CNTN3: variants seen among roughly 807,000 people sequenced by gnomAD.
The protein encoded by CNTN3 is contactin-3.
CNTN3 carries 60 observed loss-of-function variants against 119.1 expected under a neutral mutation model. The ratio of observed to expected loss-of-function variants is 0.50; its 90% CI spans 0.41 to 0.62. The LOEUF (loss-of-function observed/expected upper bound fraction) is 0.62. Ranked by LOEUF, CNTN3 falls within the 20% of genes least tolerant of loss-of-function variation. The pLI is 0.00. For synonymous variants in CNTN3, 450 were observed against 438.7 expected, an observed-to-expected ratio of 1.03 and a Z score of -0.32; for missense variants, 1,101 against 1,242.4, an observed-to-expected ratio of 0.89 and a Z score of 1.71.
chr3:74,570,911 A>T (rs1704322946), intron 1 of CNTN3, among the ~76,000 whole-genome samples: 1 of 152,202 alleles, frequency 6.6e-6, no homozygotes, highest in Non-Finnish European at 1.5e-5. Flanking sequence ...TGTGTTTGGT[A>T]TTCAACTCCT....
At chr3:74,500,666 A>G (rs867271706) in intron 2 of CNTN3, among the ~76,000 whole-genome samples, 5 of 152,222 alleles carry the variant, frequency 3.3e-5, no homozygotes, top group African/African-American at 1.2e-4. Flanking sequence ...AGCAGCAAAA[A>G]AGGCCCTAAA....
At chr3:74,333,279 C>T (rs577606982) in intron 13 of CNTN3, among the ~76,000 whole-genome samples, 10 of 152,308 alleles carry the variant, frequency 6.6e-5, no homozygotes, top group South Asian at 2.1e-4. Flanking sequence ...CTAAGGTTGC[C>T]GTAAGGCAGT....
intron 1 of CNTN3, among the ~76,000 whole-genome samples, chr3:74,543,715 C>T (rs1703873687): frequency 6.6e-6 from 1 of 151,992 alleles, no homozygotes; most frequent in Non-Finnish European, 1.5e-5. Flanking sequence ...TCAAGGCAGC[C>T]ACAAAAATAT....
chr3:74,395,144 C>G (rs1705014186), intron 5 of CNTN3, among the ~76,000 whole-genome samples: 1 of 152,086 alleles, frequency 6.6e-6, no homozygotes, highest in South Asian at 2.1e-4. Flanking sequence ...GTTTCTCCTA[C>G]TAGACCCTCA....
intron 13 of CNTN3, among the ~76,000 whole-genome samples, chr3:74,321,484 A>G (rs1419607444): frequency 6.6e-6 from 1 of 152,110 alleles, no homozygotes; most frequent in African/African-American, 2.4e-5. Context: ...CAATAATCTA[A>G]GCTTTTTGCT....
chr3:74,536,977 C>T (rs1429105255), intron 1 of CNTN3, among the ~76,000 whole-genome samples: 1 of 122,672 alleles, frequency 8.2e-6, no homozygotes, highest in East Asian at 2.5e-4. Flanking sequence ...TTATTGCAAA[C>T]CTGTCATACT....
chr3:74,436,285 G>A (rs555630804), intron 4 of CNTN3, among the ~76,000 whole-genome samples: 4 of 152,218 alleles, frequency 2.6e-5, no homozygotes, highest in East Asian at 3.9e-4. Flanking sequence ...GGATGTTTAC[G>A]GAAACTGCAT....
At chr3:74,486,422 G>C in intron 4 of CNTN3, 34 bp downstream of exon 4, 2 of 1,541,716 alleles carry the variant, frequency 1.3e-6, no homozygotes, top group Non-Finnish European at 1.7e-6. Flanking sequence ...ATTTTCTAAT[G>C]TTGGATTTGC....
At chr3:74,291,861 G>A (rs917592700) in intron 19 of CNTN3, among the ~76,000 whole-genome samples, 4 of 152,120 alleles carry the variant, frequency 2.6e-5, no homozygotes, top group Non-Finnish European at 5.9e-5. Flanking sequence ...TTTGGTGAGT[G>A]AGAAATCACT....
chr3:74,324,216 CT>C (rs5850169), intron 13 of CNTN3, among the ~76,000 whole-genome samples: 18,122 of 109,996 alleles, frequency 0.16, 1,386 homozygotes, highest in East Asian at 0.48. Context: ...TCTTCTTCTT[CT>C]TTTTTTTTTT....
intron 1 of CNTN3, among the ~76,000 whole-genome samples, chr3:74,560,037 C>A (rs1704129748): frequency 1.3e-5 from 2 of 152,272 alleles, no homozygotes; most frequent in African/African-American, 4.8e-5. Context: ...TCTGCAGTCA[C>A]CCAAATGTAC....
At chr3:74,360,167 A>C (rs559616435) in intron 11 of CNTN3, among the ~76,000 whole-genome samples, 1 of 152,206 alleles carries the variant, frequency 6.6e-6, no homozygotes, top group Non-Finnish European at 1.5e-5. Context: ...TTTGGGGCTA[A>C]AATCTAAAAG....
chr3:74,345,269 A>C (rs1432215199), intron 11 of CNTN3, among the ~76,000 whole-genome samples: 2 of 152,114 alleles, frequency 1.3e-5, no homozygotes, highest in Non-Finnish European at 2.9e-5. Context: ...CCAAGCAGAG[A>C]GTTTATCACC....
At chr3:74,488,690 T>G (rs894095313) in intron 3 of CNTN3, among the ~76,000 whole-genome samples, 1 of 152,192 alleles carries the variant, frequency 6.6e-6, no homozygotes, top group Admixed American at 6.5e-5. Context: ...TTCTCACTTT[T>G]TCTGTTTTCC....
chr3:74,411,536 A>T (rs7634319), intron 5 of CNTN3, among the ~76,000 whole-genome samples: 4 of 152,040 alleles, frequency 2.6e-5, no homozygotes, highest in African/African-American at 9.7e-5. Context: ...AGAAAGATGC[A>T]TTCTTGTTTC....
chr3:74,319,278 A>G (rs1280384610), intron 13 of CNTN3, among the ~76,000 whole-genome samples: 1 of 152,218 alleles, frequency 6.6e-6, no homozygotes, highest in Non-Finnish European at 1.5e-5. Context: ...CTACAAGGCT[A>G]CAGTAACCAA....
intron 1 of CNTN3, among the ~76,000 whole-genome samples, chr3:74,601,205 A>G (rs955733837): frequency 6.6e-6 from 1 of 152,010 alleles, no homozygotes; most frequent in African/African-American, 2.4e-5. Flanking sequence ...ATTCCTTACA[A>G]TAGATTTATA....
intron 11 of CNTN3, among the ~76,000 whole-genome samples, chr3:74,349,580 T>G (rs1703768887): frequency 6.6e-6 from 1 of 152,242 alleles, no homozygotes; most frequent in African/African-American, 2.4e-5. Context: ...ACTCTTGTAC[T>G]GCAACTTGAT....
intron 3 of CNTN3, among the ~76,000 whole-genome samples, chr3:74,499,426 A>C (rs1386868309): frequency 1.3e-5 from 2 of 151,982 alleles, no homozygotes; most frequent in Non-Finnish European, 1.5e-5. Flanking sequence ...TACATCAATG[A>C]AAAGACATTA....
Sources: gnomAD v4.1 joint callset for allele counts (sites outside exome capture counted in the v4.1 genomes callset) on GRCh38, gnomAD v4.1.1 for gene constraint, MANE v1.5 for transcripts, NCBI Gene and HGNC (gene_info 2026-07-23, HGNC 2026-07-21) for gene names.